The following PXYLP1 variants were observed in gnomAD, a reference collection of about 807,000 sequenced individuals.
PXYLP1 encodes the protein acid phosphatase-like 2.
A neutral mutation model predicts 37.9 loss-of-function variants in PXYLP1; 17 were observed. That is an observed-to-expected ratio of 0.45 (90% CI 0.31 to 0.67). PXYLP1 has a LOEUF of 0.67. Ranked by LOEUF, PXYLP1 falls within the 30% of genes least tolerant of loss-of-function variation. PXYLP1 has a pLI of 0.07. For missense variants in PXYLP1, 511 were observed against 612.0 expected, an observed-to-expected ratio of 0.84 and a Z score of 1.74; for synonymous variants, 221 against 232.2, an observed-to-expected ratio of 0.95 and a Z score of 0.44.
chr3:141,239,359 T>C lies in PXYLP1; in HGVS notation c.-54+7448T>C, dbSNP rs150829193. Among the ~76,000 whole-genome samples the C allele has an allele frequency of 8.4e-3, 1,271 of 152,198 alleles. 21 individuals are homozygous for C. The highest frequency in any genetic ancestry group is 0.029 in the African/African-American group (1,208 of 41,530). On this transcript the variant is annotated intron_variant, in intron 1 of 5. Coordinates refer to ENST00000286353, the MANE Select transcript of PXYLP1 (RefSeq NM_001037172.3). ...CGAAGGTCATGGCATGGATGGTTGA[T>C]TTTTTTTGGCTCTGTCTTCAAAGTG...
At chr3:141,272,205 A>C (rs73869553) in intron 2 of PXYLP1, among the ~76,000 whole-genome samples, 1 of 152,048 alleles carries the variant, frequency 6.6e-6, no homozygotes, top group African/African-American at 2.4e-5. Flanking sequence ...ACTCCCAGAT[A>C]ATGAGGTGGC....
Position 141,247,507 on chromosome 3 carries a change from A to G in PXYLP1, c.-53-12616A>G, listed in dbSNP as rs533913012. Among the ~76,000 whole-genome samples, 19 of 152,362 alleles carry G rather than the reference A, an allele frequency of 1.2e-4. No homozygotes were observed. The South Asian group carries it at 3.9e-3, about 32-fold the overall frequency. On this transcript the variant is annotated intron_variant, in intron 1 of 5. Coordinates refer to ENST00000286353, the MANE Select transcript of PXYLP1 (RefSeq NM_001037172.3). ...TTAAAGAGAGGAAGCATAGATGTCCATCCTGATTCTATCAGTTATTATATC... is the reference window on the plus strand; with the variant it reads ...TTAAAGAGAGGAAGCATAGATGTCCGTCCTGATTCTATCAGTTATTATATC...
intron 1 of PXYLP1, among the ~76,000 whole-genome samples, chr3:141,254,047 G>A (rs1032134013): frequency 6.6e-6 from 1 of 152,002 alleles, no homozygotes; most frequent in East Asian, 1.9e-4. Context: ...GAATATCTGG[G>A]ATTACAAGTG....
intron 4 of PXYLP1, among the ~76,000 whole-genome samples, chr3:141,285,347 A>G (rs1942051631): frequency 6.6e-6 from 1 of 151,526 alleles, no homozygotes. Flanking sequence ...TGGTCTCACT[A>G]TGTTGGCCAG....
intron 3 of PXYLP1, among the ~76,000 whole-genome samples, chr3:141,279,102 C>T (rs772635935): frequency 7.2e-5 from 11 of 152,198 alleles, no homozygotes; most frequent in Non-Finnish European, 1.5e-4. Flanking sequence ...GTAGTCATGC[C>T]CGCATTTCAC....
intron 1 of PXYLP1, among the ~76,000 whole-genome samples, chr3:141,239,139 A>G (rs1315086371): frequency 4.6e-5 from 7 of 152,014 alleles, no homozygotes; most frequent in Admixed American, 4.6e-4. Flanking sequence ...TTTTGTATGT[A>G]GGGAGAATTA....
rs1941352064 is a variant in PXYLP1, at chr3:141,260,019, G to C, written c.-53-104G>C. 11 of 770,512 alleles carry C rather than the reference G, an allele frequency of 1.4e-5. No homozygotes were observed. The South Asian group carries it at 1.5e-4, about 11-fold the overall frequency. 47.7% of individuals were successfully genotyped at this position (770,512 alleles called of 1,614,324 possible). A position where few individuals can be genotyped will look rare whatever the true frequency, so the allele number is the denominator to read the frequency against. ...ATGCATGCTTCCCTGCCGGGGGACT[G>C]GGCTAATCAGATTATTATCAGTTGA... is the stretch of plus-strand genomic sequence containing the variant. On this transcript the variant is annotated intron_variant, in intron 1 of 5. Transcript: ENST00000286353.
At position 141,248,792 on chromosome 3, in the gene PXYLP1, TAC is replaced by T. The variant is rs1225239183; in HGVS notation, c.-53-11324_-53-11323del. Among the ~76,000 whole-genome samples the T allele has an allele frequency of 2.8e-4, 5 of 17,666 alleles. 1 individual carries two copies. Among genetic ancestry groups the T allele is most frequent in the South Asian group, 3.8e-3 (2 of 520 alleles). 11.6% of individuals were successfully genotyped at this position (17,666 alleles called of 152,430 possible). A position where few individuals can be genotyped will look rare whatever the true frequency, so the allele number is the denominator to read the frequency against. ...GTGTATATATACACACGTATATATATACACACACGTGTATATATACACACGTA... is the reference window on the plus strand; with the variant it reads ...GTGTATATATACACACGTATATATATACACACGTGTATATATACACACGTA... On this transcript the variant is annotated intron_variant, in intron 1 of 5. Coordinates refer to ENST00000286353, the MANE Select transcript of PXYLP1 (RefSeq NM_001037172.3).
At chr3:141,251,716 C>T (rs1941143724) in intron 1 of PXYLP1, among the ~76,000 whole-genome samples, 1 of 152,178 alleles carries the variant, frequency 6.6e-6, no homozygotes, top group Non-Finnish European at 1.5e-5. Context: ...GCCTTTTGCC[C>T]CTCGGACCTG....
At chr3:141,256,347 G>A (rs1243521584) in intron 1 of PXYLP1, among the ~76,000 whole-genome samples, 2 of 152,198 alleles carry the variant, frequency 1.3e-5, no homozygotes, top group Non-Finnish European at 2.9e-5. Flanking sequence ...CAGAAAATAA[G>A]CAGCAGAGCT....
At chr3:141,272,530 C>A (rs1941688259) in intron 2 of PXYLP1, 2 of 152,128 alleles carry the variant, frequency 1.3e-5, no homozygotes, top group South Asian at 4.1e-4. Context: ...TGTTATTGAC[C>A]ACTCCTGGGC....
At chr3:141,245,464 T>C (rs1003717415) in intron 1 of PXYLP1, among the ~76,000 whole-genome samples, 2 of 152,250 alleles carry the variant, frequency 1.3e-5, no homozygotes, top group African/African-American at 4.8e-5. Context: ...TGCCTTGTTC[T>C]CTGTCCTTTT....
intron 1 of PXYLP1, among the ~76,000 whole-genome samples, chr3:141,238,212 A>G (rs1206163010): frequency 1.3e-5 from 2 of 152,118 alleles, no homozygotes; most frequent in Non-Finnish European, 2.9e-5. Flanking sequence ...GTAGCTAGAA[A>G]CTTCTTGACC....
chr3:141,272,159 G>A (rs1303370202), intron 2 of PXYLP1, among the ~76,000 whole-genome samples: 2 of 152,206 alleles, frequency 1.3e-5, no homozygotes, highest in Admixed American at 1.3e-4. Flanking sequence ...CACCCTAGGG[G>A]AAAGAAACTG....
At chr3:141,271,163 T>G (rs1303256482) in intron 2 of PXYLP1, among the ~76,000 whole-genome samples, 1 of 152,208 alleles carries the variant, frequency 6.6e-6, no homozygotes, top group Non-Finnish European at 1.5e-5. Flanking sequence ...TATCATCACC[T>G]TCATTTGACA....
At position 141,293,176 on chromosome 3, in the gene PXYLP1, T is replaced by G. The variant is rs750741706; in HGVS notation, c.1414T>G (p.Tyr472Asp). The change falls in exon 6 of 6, where the codon TAT becomes GAT. Residue 472 changes from tyrosine to aspartate, a missense_variant. Transcript: ENST00000286353. ...CCTGGGTGGCAGTGGTACAAATTAT[T>G]ATGATGCATGTCACAGGGAAGGATT... ...VALGGSGTNY[Y>D]DACHREGF The G allele has an allele frequency of 2.5e-6, 4 of 1,613,920 alleles. No homozygotes were observed. The highest frequency in any genetic ancestry group is 3.4e-6 in the Non-Finnish European group (4 of 1,179,998).
At chr3:141,289,192 A>G (rs563390705) in intron 5 of PXYLP1, among the ~76,000 whole-genome samples, 2 of 152,262 alleles carry the variant, frequency 1.3e-5, no homozygotes, top group African/African-American at 2.4e-5. Flanking sequence ...AAAACAAAAT[A>G]TAGATGTTCC....
intron 4 of PXYLP1, among the ~76,000 whole-genome samples, chr3:141,282,937 T>G (rs1941987672): frequency 6.6e-6 from 1 of 152,002 alleles, no homozygotes; most frequent in Non-Finnish European, 1.5e-5. Flanking sequence ...CATGAAACAT[T>G]CAAGAGACAG....
At chr3:141,255,151 CTT>C in intron 1 of PXYLP1, among the ~76,000 whole-genome samples, 1 of 152,328 alleles carries the variant, frequency 6.6e-6, no homozygotes, top group Middle Eastern at 3.4e-3. Flanking sequence ...ATTCTAAAAT[CTT>C]TTCTTTCACA....
Sources: gnomAD v4.1 joint callset for allele counts (sites outside exome capture counted in the v4.1 genomes callset) on GRCh38, gnomAD v4.1.1 for gene constraint, MANE v1.5 for transcripts, NCBI Gene and HGNC (gene_info 2026-07-23, HGNC 2026-07-21) for gene names.